The following TRAK2 variants were observed in gnomAD, a reference collection of about 807,000 sequenced individuals.
The protein encoded by TRAK2 is trafficking kinesin protein 2, also known as trafficking kinesin-binding protein 2.
TRAK2 carries 81 observed loss-of-function variants against 104.6 expected under a neutral mutation model. The observed-to-expected ratio is 0.77, with a 90% CI of 0.65 to 0.93. The LOEUF (loss-of-function observed/expected upper bound fraction) is 0.93, where lower values mean the gene tolerates loss of function less well. TRAK2 is among the 40% of genes least tolerant of loss of function. The pLI, the probability that TRAK2 is intolerant of heterozygous loss-of-function variation, is 0.00. For synonymous variants in TRAK2, 406 were observed against 394.4 expected, an observed-to-expected ratio of 1.03 and a Z score of -0.35; for missense variants, 1,002 against 1,089.0, an observed-to-expected ratio of 0.92 and a Z score of 1.12.
At chr2:201,410,384 T>C (rs1306445352) in intron 2 of TRAK2, among the ~76,000 whole-genome samples, 2 of 151,890 alleles carry the variant, frequency 1.3e-5, no homozygotes, top group Admixed American at 1.3e-4. Flanking sequence ...ACTCAACTGG[T>C]TAGAAGTCCA....
At chr2:201,415,529 G>C (rs1033606661) in intron 2 of TRAK2, among the ~76,000 whole-genome samples, 1 of 152,096 alleles carries the variant, frequency 6.6e-6, no homozygotes. Context: ...AAGAGAAACA[G>C]AAGATATGCC....
chr2:201,420,239 T>G (rs2125654548), intron 2 of TRAK2, among the ~76,000 whole-genome samples, 178 bp downstream of exon 2: 1 of 152,292 alleles, frequency 6.6e-6, no homozygotes, highest in East Asian at 1.9e-4. Context: ...AAAGGCAGAT[T>G]CTGTTAATGC....
At chr2:201,438,337 G>T (rs1951894036) in intron 1 of TRAK2, among the ~76,000 whole-genome samples, 2 of 152,184 alleles carry the variant, frequency 1.3e-5, no homozygotes, top group African/African-American at 4.8e-5. Flanking sequence ...TCTCAATTCT[G>T]TTGCAAATCA....
intron 1 of TRAK2, among the ~76,000 whole-genome samples, chr2:201,426,384 GCTCC>G (rs1410569541): frequency 6.6e-6 from 1 of 152,048 alleles, no homozygotes; most frequent in Non-Finnish European, 1.5e-5. Context: ...TAAGCTTAGG[GCTCC>G]CACTGATTCC....
rs753362288 is a variant in TRAK2, at chr2:201,380,898, T to G, written c.2390A>C (p.His797Pro). The stretch of plus-strand genomic sequence containing the variant: ...AGAGGCCAAAAAATTTTCAGAGAGA[T>G]GCACTCGAGGCTCAAAGGGTAAAGG... Reference protein sequence around the residue: ...PSPLPFEPRVHLSENFLASRP... With the variant: ...PSPLPFEPRVPLSENFLASRP... Residue 797 changes from histidine (H) to proline (P), a missense_variant, in exon 16 of 16, where the codon CAT (histidine) becomes CCT (proline). Physicochemically the swap from His to Pro is moderately conservative, Grantham distance 77 (BLOSUM62 -2). Transcript: ENST00000332624. The G allele has an allele frequency of 5.0e-6, 8 of 1,614,016 alleles. No homozygotes were observed. The East Asian group carries it at 1.8e-4, about 36-fold the overall frequency.
Position 201,380,987 on chromosome 2 carries a change from G to A in TRAK2, c.2301C>T (p.Leu767=), listed in dbSNP as rs1169841617. The part of the protein sequence containing the change: ...SPISENPLQP[L]PKSLAIPSTP... Reference sequence around the variant, plus strand: ...TGGAAGGGATAGCCAGGGATTTAGGGAGAGGCTGGAGGGGGTTCTCTGAAA... The same window carrying A: ...TGGAAGGGATAGCCAGGGATTTAGGAAGAGGCTGGAGGGGGTTCTCTGAAA... The change falls in exon 16 of 16, where the codon CTC becomes CTT. Residue 767 remains leucine (L), a synonymous_variant. Coordinates refer to ENST00000332624, the MANE Select transcript of TRAK2 (RefSeq NM_015049.3). 19 of 1,614,030 alleles carry A rather than the reference G, an allele frequency of 1.2e-5. 1 individual carries two copies. The South Asian group carries it at 1.2e-4, about 10-fold the overall frequency.
chr2:201,414,906 G>C (rs1210151767), intron 2 of TRAK2, among the ~76,000 whole-genome samples: 4 of 43,774 alleles, frequency 9.1e-5, no homozygotes, highest in Admixed American at 2.3e-4. Context: ...ATCTCTTCTA[G>C]ACTAGAATAA....
intron 10 of TRAK2, among the ~76,000 whole-genome samples, chr2:201,390,966 T>C (rs886284712): frequency 5.3e-5 from 8 of 151,870 alleles, no homozygotes; most frequent in African/African-American, 1.9e-4. Flanking sequence ...TTTATATATA[T>C]ATGGATGAAA....
Position 201,394,891 on chromosome 2 carries a change from A to C in TRAK2, c.901-19T>G. On this transcript the variant is annotated intron_variant, in intron 8 of 15. Coordinates refer to ENST00000332624, the MANE Select transcript of TRAK2 (RefSeq NM_015049.3). Reference sequence around the variant, plus strand: ...TCACATGCTAACAACATATTAAAAAAGACATGTGAAGCCTTTCCAAGTAAA... The same window carrying C: ...TCACATGCTAACAACATATTAAAAACGACATGTGAAGCCTTTCCAAGTAAA... 6.3e-7 allele frequency: 1 copy of C among 1,598,440 alleles called. No homozygotes were observed. The highest frequency in any genetic ancestry group is 8.6e-7 in the Non-Finnish European group (1 of 1,167,954).
chr2:201,408,999 G>A (rs1351643039), intron 2 of TRAK2, among the ~76,000 whole-genome samples: 2 of 152,064 alleles, frequency 1.3e-5, no homozygotes, highest in African/African-American at 2.4e-5. Flanking sequence ...ATCGGAAAGG[G>A]GAGGGGAAAA....
rs1340802407 is a variant in TRAK2 at position 201,411,260 on chromosome 2, C to CTTGTTCT, written c.92-3664_92-3663insAGAACAA. 6 of 737,682 alleles carry CTTGTTCT rather than the reference C, an allele frequency of 8.1e-6. No individual in the cohort carries two copies. The African/African-American group carries it at 8.7e-5, about 11-fold the overall frequency. The allele number at this position is 737,682 out of a possible 1,614,324, so 45.7% of individuals were successfully genotyped here. A position where few individuals can be genotyped will look rare whatever the true frequency, so the allele number is the denominator to read the frequency against. ...GCTGGCCTTTCAACTTCTATGCCTG[C>CTTGTTCT]TCTTGTTCTCTTGCTAATTTTTGTT... On this transcript the variant is annotated intron_variant, in intron 2 of 15. Transcript: ENST00000332624.
chr2:201,414,950 G>A (rs1042002871), intron 2 of TRAK2, among the ~76,000 whole-genome samples: 1 of 42,808 alleles, frequency 2.3e-5, no homozygotes, highest in Non-Finnish European at 9.4e-5. Flanking sequence ...TTAAAAATAA[G>A]TGTACAATCC....
intron 2 of TRAK2, among the ~76,000 whole-genome samples, chr2:201,415,116 A>C (rs1172777749): frequency 2.0e-5 from 3 of 151,754 alleles, no homozygotes; most frequent in Non-Finnish European, 4.4e-5. Flanking sequence ...ATTTTTTCCC[A>C]GTCATGCCTA....
At chr2:201,392,271 A>AC in intron 10 of TRAK2, among the ~76,000 whole-genome samples, 1 of 152,200 alleles carries the variant, frequency 6.6e-6, no homozygotes, top group Non-Finnish European at 1.5e-5. Flanking sequence ...TATTTCAAAC[A>AC]TAAAAAACAA....
intron 9 of TRAK2, 46 bp downstream of exon 9, chr2:201,394,752 G>T: frequency 7.0e-7 from 1 of 1,426,296 alleles, no homozygotes; most frequent in Non-Finnish European, 9.8e-7. Flanking sequence ...AAAGAAACTA[G>T]TCACTCTTTC....
At chr2:201,433,226 A>G (rs368326105) in intron 1 of TRAK2, among the ~76,000 whole-genome samples, 1 of 152,230 alleles carries the variant, frequency 6.6e-6, no homozygotes, top group Non-Finnish European at 1.5e-5. Flanking sequence ...CAGCCTGGAC[A>G]GTAAGCAGCA....
intron 2 of TRAK2, chr2:201,412,298 C>G (rs1951654124): frequency 7.9e-7 from 1 of 1,262,240 alleles, no homozygotes. Flanking sequence ...AATAAGGTAT[C>G]AAAATATTGC....
intron 2 of TRAK2, chr2:201,413,424 C>T (rs928228751): frequency 5.5e-5 from 23 of 418,896 alleles, no homozygotes; most frequent in Middle Eastern, 6.3e-4. Flanking sequence ...TGCCTTCACA[C>T]GTGGCAGCTG....
rs1372118873 is a variant in TRAK2, at chr2:201,399,489, T to A, written c.368A>T (p.Asp123Val). 13 of 1,611,302 alleles carry A rather than the reference T, an allele frequency of 8.1e-6. No individual in the cohort carries two copies. Reference sequence around the variant, plus strand: ...TCGAGCAGCGAGTTCCAGATCACGATCCCTCTGTTAAAATACCAAATACAC... The same window carrying A: ...TCGAGCAGCGAGTTCCAGATCACGAACCCTCTGTTAAAATACCAAATACAC... ...DMVTHLLAER[D>V]RDLELAARIG... The change falls in exon 5 of 16, where the codon GAT becomes GTT. Residue 123 changes from aspartate to valine, a missense_variant. Physicochemically the swap from Asp to Val is radical, Grantham distance 152. Transcript: ENST00000332624.
Sources: gnomAD v4.1 joint callset for allele counts (sites outside exome capture counted in the v4.1 genomes callset) on GRCh38, gnomAD v4.1.1 for gene constraint, MANE v1.5 for transcripts, NCBI Gene and HGNC (gene_info 2026-07-23, HGNC 2026-07-21) for gene names.